The following PCDH11X variants were observed in gnomAD, a reference collection of about 807,000 sequenced individuals.
PCDH11X encodes the protein protocadherin 11 X-linked.
PCDH11X carries 18 observed loss-of-function variants against 53.3 expected under a neutral mutation model. That is an observed-to-expected ratio of 0.34 (90% CI 0.23 to 0.50). The LOEUF is 0.50. Ranked by LOEUF, PCDH11X falls within the 20% of genes least tolerant of loss-of-function variation. PCDH11X has a pLI of 0.98. For synonymous variants in PCDH11X, 279 were observed against 393.3 expected, an observed-to-expected ratio of 0.71 and a Z score of 3.44; for missense variants, 570 against 1,032.4, an observed-to-expected ratio of 0.55 and a Z score of 6.14.
chrX:91,928,214 C>T lies in PCDH11X; in HGVS notation c.3033+48941C>T, dbSNP rs749620030. On this transcript the variant is annotated intron_variant, in intron 6 of 10. Coordinates refer to ENST00000682573, the MANE Select transcript of PCDH11X (RefSeq NM_032968.5). ...TATGTATATAAAAAAGACCAAGCTA[C>T]TTATTTTGGGGTTTTGTAAAATGAA... 7.5e-3 allele frequency among the ~76,000 whole-genome samples: 815 copies of T among 108,257 alleles called. 9 individuals are homozygous for T. The highest frequency in any genetic ancestry group is 0.026 in the African/African-American group (783 of 29,909). 94.0% of individuals were successfully genotyped at this position (108,257 alleles called of 115,157 possible).
At chrX:91,824,002 C>T (rs1936805482) in intron 4 of PCDH11X, among the ~76,000 whole-genome samples, 1 of 110,602 alleles carries the variant, frequency 9.0e-6, no homozygotes, top group African/African-American at 3.3e-5. Flanking sequence ...GAATATTGGC[C>T]CCCACTCTCT....
At chrX:92,517,078 C>T (rs2074283878) in intron 10 of PCDH11X, among the ~76,000 whole-genome samples, 1 of 111,996 alleles carries the variant, frequency 8.9e-6, no homozygotes, top group Admixed American at 9.5e-5. Flanking sequence ...TAAATAATGT[C>T]TCACAGTACC....
At chrX:92,237,317 A>C (rs1353052339) in intron 7 of PCDH11X, among the ~76,000 whole-genome samples, 1 of 111,152 alleles carries the variant, frequency 9.0e-6, no homozygotes, top group Admixed American at 9.6e-5. Context: ...CTTTGGAATC[A>C]GATGAGTTTG....
chrX:92,363,573 A>G (rs948109817), intron 8 of PCDH11X, among the ~76,000 whole-genome samples: 4 of 108,344 alleles, frequency 3.7e-5, no homozygotes, highest in Admixed American at 2.0e-4. Context: ...TTAGGATTTT[A>G]TACATCTAAT....
chrX:92,196,684 T>C (rs1454453125), intron 6 of PCDH11X, among the ~76,000 whole-genome samples: 1 of 111,577 alleles, frequency 9.0e-6, no homozygotes, highest in African/African-American at 3.3e-5. Flanking sequence ...TGCTTCATAG[T>C]ACCTTACTGA....
chrX:92,436,496 A>G (rs1264347519), intron 9 of PCDH11X, among the ~76,000 whole-genome samples: 5 of 111,796 alleles, frequency 4.5e-5, no homozygotes, highest in African/African-American at 1.3e-4. Flanking sequence ...AGGAATAAAA[A>G]TCATTCTAAC....
chrX:92,134,439 T>C (rs1277179729), intron 6 of PCDH11X, among the ~76,000 whole-genome samples: 1 of 111,222 alleles, frequency 9.0e-6, no homozygotes, highest in Admixed American at 9.7e-5. Context: ...GTTTTCTTCT[T>C]AATGAAACTA....
chrX:92,331,537 G>A (rs900439202), intron 8 of PCDH11X, among the ~76,000 whole-genome samples: 4 of 107,441 alleles, frequency 3.7e-5, no homozygotes, highest in Admixed American at 1.0e-4. Context: ...TTTTGGTTTC[G>A]TTGGGAAAAA....
intron 10 of PCDH11X, among the ~76,000 whole-genome samples, chrX:92,554,058 A>G (rs1314816149): frequency 9.3e-6 from 1 of 107,050 alleles, no homozygotes; most frequent in Admixed American, 1.0e-4. Flanking sequence ...TAATCATAGA[A>G]CAGTCGGTTT....
At chrX:92,298,357 G>A (rs991551538) in intron 8 of PCDH11X, among the ~76,000 whole-genome samples, 8 of 111,369 alleles carry the variant, frequency 7.2e-5, no homozygotes, top group African/African-American at 2.3e-4. Flanking sequence ...AACATGAAGG[G>A]AAGTTTAATT....
intron 10 of PCDH11X, among the ~76,000 whole-genome samples, chrX:92,604,130 A>G (rs1238868112): frequency 1.8e-5 from 2 of 109,459 alleles, no homozygotes; most frequent in East Asian, 5.8e-4. Flanking sequence ...ATACCAGATT[A>G]TAACTAGAAT....
intron 9 of PCDH11X, among the ~76,000 whole-genome samples, chrX:92,398,262 C>G (rs2071291201): frequency 9.0e-6 from 1 of 110,625 alleles, no homozygotes; most frequent in African/African-American, 3.3e-5. Flanking sequence ...TAGAAAGATC[C>G]CATAATGCCC....
intron 6 of PCDH11X, among the ~76,000 whole-genome samples, chrX:92,012,659 G>A (rs1301627721): frequency 9.0e-6 from 1 of 111,484 alleles, no homozygotes; most frequent in East Asian, 2.8e-4. Context: ...AAAATGACTT[G>A]TGGGTGTGCA....
intron 6 of PCDH11X, among the ~76,000 whole-genome samples, chrX:91,969,065 G>A (rs1489591250): frequency 4.5e-5 from 5 of 110,826 alleles, no homozygotes; most frequent in Non-Finnish European, 9.4e-5. Flanking sequence ...TATAGATTCT[G>A]ACAGACGCAA....
intron 6 of PCDH11X, among the ~76,000 whole-genome samples, chrX:91,941,867 A>G (rs1228502560): frequency 9.0e-6 from 1 of 111,296 alleles, no homozygotes; most frequent in Non-Finnish European, 1.9e-5. Flanking sequence ...AGTAACCTCA[A>G]TGGAATTCAA....
chrX:92,171,441 C>T (rs762736279), intron 6 of PCDH11X, among the ~76,000 whole-genome samples: 2 of 110,989 alleles, frequency 1.8e-5, no homozygotes, highest in Admixed American at 9.7e-5. Context: ...TCAGCTTAAG[C>T]GTATCAATTT....
chrX:91,949,112 T>G (rs1025204014), intron 6 of PCDH11X, among the ~76,000 whole-genome samples: 94 of 110,371 alleles, frequency 8.5e-4, no homozygotes, highest in Middle Eastern at 4.7e-3. Context: ...CCCATGTTAT[T>G]GGGTCCACAG....
At chrX:91,963,388 G>A (rs2061819756) in intron 6 of PCDH11X, among the ~76,000 whole-genome samples, 2 of 107,302 alleles carry the variant, frequency 1.9e-5, no homozygotes, top group South Asian at 8.3e-4. Flanking sequence ...CTAAGGTAGG[G>A]GCAAAATGCC....
At chrX:92,515,716 C>A (rs1439194224) in intron 10 of PCDH11X, among the ~76,000 whole-genome samples, 1 of 111,094 alleles carries the variant, frequency 9.0e-6, no homozygotes, top group Non-Finnish European at 1.9e-5. Context: ...AAAAAAGGGT[C>A]ATCTAATTAA....
Sources: gnomAD v4.1 joint callset for allele counts (sites outside exome capture counted in the v4.1 genomes callset) on GRCh38, gnomAD v4.1.1 for gene constraint, MANE v1.5 for transcripts, NCBI Gene and HGNC (gene_info 2026-07-23, HGNC 2026-07-21) for gene names.